The following GABRB1 variants were observed in gnomAD, a reference collection of about 807,000 sequenced individuals.
GABRB1 encodes the protein gamma-aminobutyric acid type A receptor subunit beta1.
In GABRB1, 17 loss-of-function variants were observed where a neutral mutation model predicts 51.6. The ratio of observed to expected loss-of-function variants is 0.33; its 90% CI spans 0.23 to 0.49. The LOEUF (loss-of-function observed/expected upper bound fraction) is 0.49. Among genes scored for constraint, GABRB1 ranks in the 20% least tolerant of loss-of-function variants. The pLI is 0.99. For synonymous variants in GABRB1, 247 were observed against 218.9 expected, an observed-to-expected ratio of 1.13 and a Z score of -1.14; for missense variants, 410 against 600.6, an observed-to-expected ratio of 0.68 and a Z score of 3.32.
chr4:47,068,095 C>T (rs543794214), intron 3 of GABRB1, among the ~76,000 whole-genome samples: 50 of 152,222 alleles, frequency 3.3e-4, no homozygotes, highest in African/African-American at 1.2e-3. Flanking sequence ...TGACAGCTTC[C>T]TTTCTTGAAC....
chr4:47,151,960 C>G (rs1045117149), intron 3 of GABRB1, among the ~76,000 whole-genome samples: 2 of 151,922 alleles, frequency 1.3e-5, no homozygotes, highest in African/African-American at 4.8e-5. Flanking sequence ...TTTGACATAT[C>G]TCAAAATATA....
chr4:47,120,305 AC>A, intron 3 of GABRB1, among the ~76,000 whole-genome samples: 1 of 152,228 alleles, frequency 6.6e-6, no homozygotes, highest in East Asian at 1.9e-4. Flanking sequence ...AGAATTCAAC[AC>A]CCACTTTCAG....
chr4:47,416,950 T>A lies in GABRB1; in HGVS notation c.1081-8724T>A, dbSNP rs185655086. ...TATACCTGCTATGTGCTCATAAAAA[T>A]TTTTTAAAAAAGAAAAAAGTCAATA... On this transcript the variant is annotated intron_variant, in intron 8 of 8. Transcript: ENST00000295454. Among the ~76,000 whole-genome samples, 281 of 152,226 alleles carry A rather than the reference T, an allele frequency of 1.8e-3. 3 individuals are homozygous for A. Among genetic ancestry groups the A allele is most frequent in the African/African-American group, 6.2e-3 (256 of 41,544 alleles).
chr4:47,375,096 T>G (rs1727333544), intron 5 of GABRB1, among the ~76,000 whole-genome samples: 1 of 152,248 alleles, frequency 6.6e-6, no homozygotes, highest in Admixed American at 6.5e-5. Context: ...CTCTTGAACC[T>G]AGGGGCATTA....
At position 47,093,330 on chromosome 4, in the gene GABRB1, G is replaced by A. The variant is rs112079721; in HGVS notation, c.240+60846G>A. On this transcript the variant is annotated intron_variant, in intron 3 of 8. Transcript: ENST00000295454. ...GCTTCTTCCATAAGATAAAGTTGTCGTTTTTATTTATTATATTTTGCTATG... is the reference window on the plus strand; with the variant it reads ...GCTTCTTCCATAAGATAAAGTTGTCATTTTTATTTATTATATTTTGCTATG... Among the ~76,000 whole-genome samples, 95 of 152,128 alleles carry A rather than the reference G, an allele frequency of 6.2e-4. 2 individuals are homozygous for A. Among genetic ancestry groups the A allele is most frequent in the African/African-American group, 1.7e-3 (72 of 41,516 alleles).
chr4:47,198,248 G>T lies in GABRB1; in HGVS notation c.461+36779G>T, dbSNP rs548697367. 4.6e-5 allele frequency among the ~76,000 whole-genome samples: 7 copies of T among 152,320 alleles called. No individual in the cohort carries two copies. The South Asian group carries it at 1.4e-3, about 32-fold the overall frequency. ...TTTTGTGAAACATGGGATAAACTCA[G>T]AGGGACTGAGGATCTGGAGACAGAA... On this transcript the variant is annotated intron_variant, in intron 4 of 8. Transcript: ENST00000295454.
chr4:47,379,248 A>T (rs1251326765), intron 5 of GABRB1, among the ~76,000 whole-genome samples: 1 of 152,146 alleles, frequency 6.6e-6, no homozygotes, highest in Admixed American at 6.5e-5. Context: ...TATACCACAG[A>T]TGGTCCCTGA....
At chr4:47,325,676 A>G (rs1419896297) in intron 5 of GABRB1, among the ~76,000 whole-genome samples, 1 of 152,130 alleles carries the variant, frequency 6.6e-6, no homozygotes, top group Non-Finnish European at 1.5e-5. Context: ...CTTCTGGCTG[A>G]AATGCTTTTC....
intron 4 of GABRB1, among the ~76,000 whole-genome samples, chr4:47,281,339 G>A (rs962609973): frequency 6.6e-6 from 1 of 152,102 alleles, no homozygotes; most frequent in Non-Finnish European, 1.5e-5. Context: ...TTAAAACTTC[G>A]ATGAGATATG....
At chr4:47,325,752 T>C (rs1414613713) in intron 5 of GABRB1, among the ~76,000 whole-genome samples, 1 of 152,204 alleles carries the variant, frequency 6.6e-6, no homozygotes, top group East Asian at 1.9e-4. Context: ...CCACCTTCGA[T>C]AGGAGGCTTT....
intron 8 of GABRB1, among the ~76,000 whole-genome samples, chr4:47,407,559 C>T (rs1318354514): frequency 6.6e-6 from 1 of 152,166 alleles, no homozygotes; most frequent in East Asian, 1.9e-4. Flanking sequence ...GTAGCCTCTA[C>T]CTCTGAGCCA....
chr4:47,401,945 G>GAATC (rs1728411078), intron 5 of GABRB1, among the ~76,000 whole-genome samples: 1 of 152,046 alleles, frequency 6.6e-6, no homozygotes, highest in Non-Finnish European at 1.5e-5. Flanking sequence ...GAGACATTTA[G>GAATC]AATCAGTCTT....
chr4:47,393,913 C>T (rs752716831), intron 5 of GABRB1, among the ~76,000 whole-genome samples: 7 of 152,206 alleles, frequency 4.6e-5, no homozygotes, highest in African/African-American at 9.7e-5. Flanking sequence ...TGTATTGCAA[C>T]GTCAAGTATA....
chr4:47,054,449 T>G (rs1207418033), intron 3 of GABRB1, among the ~76,000 whole-genome samples: 1 of 152,208 alleles, frequency 6.6e-6, no homozygotes, highest in Non-Finnish European at 1.5e-5. Flanking sequence ...CTGCTTTACC[T>G]TCATGAATAG....
intron 1 of GABRB1, chr4:46,994,262 C>G (rs1048715016): frequency 2.6e-5 from 4 of 152,338 alleles, no homozygotes; most frequent in Non-Finnish European, 4.4e-5. Flanking sequence ...CCACCAGACA[C>G]GCGCACACCC....
At chr4:47,404,111 A>G (rs897869271) in intron 7 of GABRB1, among the ~76,000 whole-genome samples, 2 of 152,332 alleles carry the variant, frequency 1.3e-5, no homozygotes, top group African/African-American at 4.8e-5. Flanking sequence ...GTGACTAATA[A>G]CAAGCTGTCA....
intron 5 of GABRB1, among the ~76,000 whole-genome samples, chr4:47,380,680 T>C (rs1322910159): frequency 6.6e-6 from 1 of 152,244 alleles, no homozygotes; most frequent in Non-Finnish European, 1.5e-5. Context: ...CTAGATATAT[T>C]GTTTCATGGG....
At chr4:47,236,704 G>A (rs1026209028) in intron 4 of GABRB1, among the ~76,000 whole-genome samples, 2 of 152,142 alleles carry the variant, frequency 1.3e-5, no homozygotes, top group African/African-American at 2.4e-5. Context: ...AAGGCAGAAA[G>A]GGAGTAAGTT....
chr4:47,256,698 G>C (rs568629890), intron 4 of GABRB1, among the ~76,000 whole-genome samples: 1 of 152,304 alleles, frequency 6.6e-6, no homozygotes, highest in South Asian at 2.1e-4. Flanking sequence ...AGAGGGAGAA[G>C]AGTGAGGTGC....
Sources: allele counts gnomAD v4.1 joint callset (sites outside exome capture counted in the v4.1 genomes callset), GRCh38; gene constraint gnomAD v4.1.1; transcripts MANE v1.5; gene names NCBI Gene and HGNC (gene_info 2026-07-23, HGNC 2026-07-21).